The following DOCK2 variants were observed in gnomAD, a reference collection of about 807,000 sequenced individuals.
DOCK2 encodes dedicator of cytokinesis protein 2.
Under a neutral mutation model 248.9 loss-of-function variants are expected in DOCK2, and 87 were observed. That is an observed-to-expected ratio of 0.35 (90% CI 0.29 to 0.42). The LOEUF (loss-of-function observed/expected upper bound fraction) is 0.42, where lower values mean the gene tolerates loss of function less well. Among genes scored for constraint, DOCK2 ranks in the 10% least tolerant of loss-of-function variants. The pLI is 1.00. For missense variants in DOCK2, 1,747 were observed against 2,300.2 expected (o/e 0.76, Z 4.92); for synonymous variants, 805 against 821.6 (o/e 0.98, Z 0.35).
chr5:169,986,006 T>C, intron 29 of DOCK2, 84 bp downstream of exon 29: 1 of 1,263,004 alleles, frequency 7.9e-7, no homozygotes, highest in South Asian at 1.6e-5. Flanking sequence ...TTAGGGACAA[T>C]TTCTCCTTGC....
At chr5:169,791,321 A>T (rs1233112415) in intron 25 of DOCK2, among the ~76,000 whole-genome samples, 1 of 152,218 alleles carries the variant, frequency 6.6e-6, no homozygotes, top group Non-Finnish European at 1.5e-5. Flanking sequence ...GCGATGGGGA[A>T]GCCCAACCGA....
intron 22 of DOCK2, among the ~76,000 whole-genome samples, chr5:169,721,317 C>G (rs1581094382): frequency 6.6e-6 from 1 of 152,220 alleles, no homozygotes; most frequent in Admixed American, 6.5e-5. Context: ...AATCTTGAAT[C>G]CTTCCTCATG....
intron 9 of DOCK2, among the ~76,000 whole-genome samples, chr5:169,694,321 G>A (rs1760477832): frequency 1.3e-5 from 2 of 152,258 alleles, no homozygotes; most frequent in African/African-American, 4.8e-5. Context: ...CCAACAGCAT[G>A]TCTTGTTGTT....
At chr5:169,664,119 C>T (rs1758593543) in intron 2 of DOCK2, among the ~76,000 whole-genome samples, 1 of 152,198 alleles carries the variant, frequency 6.6e-6, no homozygotes, top group African/African-American at 2.4e-5. Context: ...ATTTATTCTG[C>T]CAGATACCCT....
At chr5:169,998,406 C>T (rs893620313) in intron 30 of DOCK2, among the ~76,000 whole-genome samples, 1 of 152,196 alleles carries the variant, frequency 6.6e-6, no homozygotes, top group Non-Finnish European at 1.5e-5. Context: ...GATCTTTGAA[C>T]AAGAGTCTCT....
chr5:170,031,806 A>C (rs1213434427), intron 34 of DOCK2, among the ~76,000 whole-genome samples: 1 of 152,176 alleles, frequency 6.6e-6, no homozygotes, highest in East Asian at 1.9e-4. Flanking sequence ...CCATGCATAA[A>C]GAATAGGAAA....
At chr5:169,978,048 G>A (rs574797417) in intron 27 of DOCK2, among the ~76,000 whole-genome samples, 10 of 152,148 alleles carry the variant, frequency 6.6e-5, no homozygotes, top group East Asian at 1.9e-4. Flanking sequence ...AGCCTCCCTC[G>A]GCAAACTTTC....
At chr5:170,057,308 C>A in intron 43 of DOCK2, 1 of 503,560 alleles carries the variant, frequency 2.0e-6, no homozygotes, top group Non-Finnish European at 3.6e-6. Context: ...CAAATGGACA[C>A]ATTCAATATT....
intron 46 of DOCK2, among the ~76,000 whole-genome samples, chr5:170,072,042 G>T (rs916261167): frequency 3.9e-5 from 6 of 152,112 alleles, no homozygotes; most frequent in African/African-American, 1.4e-4. Context: ...ATAGAGAATT[G>T]GGTTTATTTC....
chr5:169,719,351 T>C (rs1363884426), intron 22 of DOCK2, among the ~76,000 whole-genome samples: 4 of 152,244 alleles, frequency 2.6e-5, no homozygotes, highest in African/African-American at 4.8e-5. Context: ...ATGCAATTTA[T>C]AGAAGAACAA....
intron 23 of DOCK2, among the ~76,000 whole-genome samples, chr5:169,755,296 G>A (rs940107505): frequency 6.6e-6 from 1 of 152,102 alleles, no homozygotes; most frequent in African/African-American, 2.4e-5. Context: ...ATGAGTATGT[G>A]TGTATATGCA....
intron 22 of DOCK2, among the ~76,000 whole-genome samples, chr5:169,735,131 A>C (rs1762971025): frequency 6.6e-6 from 1 of 152,218 alleles, no homozygotes; most frequent in African/African-American, 2.4e-5. Flanking sequence ...ATCTTTCCAC[A>C]GTTCAAATCA....
chr5:169,663,122 G>A (rs1341547406), intron 2 of DOCK2, among the ~76,000 whole-genome samples: 1 of 152,212 alleles, frequency 6.6e-6, no homozygotes, highest in Non-Finnish European at 1.5e-5. Flanking sequence ...AGGGGCTACA[G>A]GCCTCATGCA....
chr5:169,712,665 A>G (rs1236569519), intron 17 of DOCK2, among the ~76,000 whole-genome samples: 1 of 152,018 alleles, frequency 6.6e-6, no homozygotes, highest in African/African-American at 2.4e-5. Flanking sequence ...CTAAGCCTGG[A>G]CTCATCTCAC....
Position 169,699,448 on chromosome 5 carries a change from TGGA to T in DOCK2, c.1125_1127del (p.Gly376del), listed in dbSNP as rs759507346. On this transcript the variant is annotated inframe_deletion, in exon 12 of 52. Transcript: ENST00000520908. ...AAGTCATAGCCTCCAAGGGGGACAG[TGGA>T]GGGCAAGGTAAAGTGCCAATATGCC... The T allele has an allele frequency of 2.5e-5, 40 of 1,612,302 alleles. No homozygotes were observed. Among genetic ancestry groups the T allele is most frequent in the Non-Finnish European group, 1.2e-5 (14 of 1,179,038 alleles).
At chr5:170,061,277 G>C (rs998143645) in intron 44 of DOCK2, among the ~76,000 whole-genome samples, 37 of 152,232 alleles carry the variant, frequency 2.4e-4, no homozygotes, top group African/African-American at 8.2e-4. Flanking sequence ...AGTCCCAACA[G>C]CCCGTTGATA....
chr5:169,807,872 C>T (rs143441752), intron 26 of DOCK2, among the ~76,000 whole-genome samples: 64 of 133,238 alleles, frequency 4.8e-4, no homozygotes, highest in African/African-American at 1.6e-3. Flanking sequence ...TAGCATCTTC[C>T]AATATGCATT....
chr5:169,787,916 A>G (rs937580643), intron 25 of DOCK2, among the ~76,000 whole-genome samples: 1 of 151,748 alleles, frequency 6.6e-6, no homozygotes, highest in Non-Finnish European at 1.5e-5. Context: ...TGCTAAATGC[A>G]TTGTAATTGC....
intron 25 of DOCK2, among the ~76,000 whole-genome samples, chr5:169,797,351 A>C (rs1431510201): frequency 2.6e-5 from 4 of 152,240 alleles, no homozygotes; most frequent in African/African-American, 9.6e-5. Context: ...ATTTTCATTT[A>C]GTTCTTCCAA....
Sources: allele counts gnomAD v4.1 joint callset (sites outside exome capture counted in the v4.1 genomes callset), GRCh38; gene constraint gnomAD v4.1.1; transcripts MANE v1.5; gene names NCBI Gene and HGNC (gene_info 2026-07-23, HGNC 2026-07-21).